Variants in RBFOX1 observed in about 807,000 individuals in gnomAD.
The protein encoded by RBFOX1 is RNA binding protein fox-1 homolog 1.
A neutral mutation model predicts 57.7 loss-of-function variants in RBFOX1; 8 were observed. The ratio of observed to expected loss-of-function variants is 0.14; its 90% CI spans 0.08 to 0.25. The LOEUF is 0.25. Ranked by LOEUF, RBFOX1 falls within the 10% of genes least tolerant of loss-of-function variation. RBFOX1 has a pLI of 1.00. For missense variants in RBFOX1, 611 were observed against 548.5 expected (o/e 1.11, Z -1.14); for synonymous variants, 326 against 222.4 (o/e 1.47, Z -4.15).
chr16:7,647,823 G>T (rs943760926), intron 11 of RBFOX1, among the ~76,000 whole-genome samples: 1 of 152,044 alleles, frequency 6.6e-6, no homozygotes, highest in Non-Finnish European at 1.5e-5. Flanking sequence ...AGGGTATTTG[G>T]CATGTCTGGA....
intron 1 of RBFOX1, among the ~76,000 whole-genome samples, chr16:6,271,680 A>G (rs1215170256): frequency 6.6e-6 from 1 of 152,144 alleles, no homozygotes; most frequent in African/African-American, 2.4e-5. Context: ...AACTCCACAA[A>G]CTTATCTTTG....
chr16:5,537,113 G>C (rs184432258), intron 2 of RBFOX1, among the ~76,000 whole-genome samples: 1 of 152,260 alleles, frequency 6.6e-6, no homozygotes, highest in African/African-American at 2.4e-5. Context: ...GTCTGTTCAT[G>C]TTGATTTAGG....
chr16:6,325,518 T>C (rs1405349778), intron 2 of RBFOX1, among the ~76,000 whole-genome samples: 1 of 152,216 alleles, frequency 6.6e-6, no homozygotes, highest in Non-Finnish European at 1.5e-5. Context: ...GCTGAATCCC[T>C]TCATTTAAAC....
At chr16:5,879,132 C>G (rs1177331574) in intron 4 of RBFOX1, among the ~76,000 whole-genome samples, 1 of 152,112 alleles carries the variant, frequency 6.6e-6, no homozygotes, top group Non-Finnish European at 1.5e-5. Context: ...CTGCTTGCAC[C>G]TTTGCAGAGA....
intron 3 of RBFOX1, among the ~76,000 whole-genome samples, chr16:6,749,576 G>C (rs1191029696): frequency 6.6e-6 from 1 of 152,160 alleles, no homozygotes; most frequent in African/African-American, 2.4e-5. Flanking sequence ...CGATTTCAAA[G>C]CTCCTTCTCT....
At chr16:5,354,408 C>G (rs906393910) in intron 1 of RBFOX1, among the ~76,000 whole-genome samples, 9 of 152,140 alleles carry the variant, frequency 5.9e-5, no homozygotes, top group African/African-American at 1.9e-4. Context: ...CACTTATGGG[C>G]CATGTGACCT....
chr16:7,538,872 C>A (rs182340694), intron 5 of RBFOX1, among the ~76,000 whole-genome samples: 1 of 149,612 alleles, frequency 6.7e-6, no homozygotes, highest in East Asian at 2.0e-4. Context: ...CCCCGCCACT[C>A]AATCTCTCCA....
At position 5,811,527 on chromosome 16, in the gene RBFOX1, C is replaced by G. The variant is rs561444168; in HGVS notation, c.319-55776C>G. Among the ~76,000 whole-genome samples, 162 of 151,452 alleles carry G rather than the reference C, an allele frequency of 1.1e-3. 2 individuals are homozygous for G. The Middle Eastern group carries it at 0.024, about 23-fold the overall frequency. ...GTGCAGTGGCACAATCTCAGCTCACCGCAACCTCTGCCTTCCAGGTTAAAG... is the reference window on the plus strand; with the variant it reads ...GTGCAGTGGCACAATCTCAGCTCACGGCAACCTCTGCCTTCCAGGTTAAAG... On this transcript the variant is annotated intron_variant, in intron 3 of 19. Coordinates refer to the RBFOX1 transcript ENST00000641259.
intron 3 of RBFOX1, among the ~76,000 whole-genome samples, chr16:6,854,394 G>A (rs1603632627): frequency 6.6e-6 from 1 of 151,930 alleles, no homozygotes. Context: ...CTTATCTAAG[G>A]AATATTTTAT....
chr16:5,754,170 G>A (rs2053314517), intron 3 of RBFOX1, among the ~76,000 whole-genome samples: 1 of 152,142 alleles, frequency 6.6e-6, no homozygotes, highest in South Asian at 2.1e-4. Context: ...TTAAAAGCCG[G>A]AATAGTTTTG....
chr16:7,564,747 C>T (rs2091281237), intron 5 of RBFOX1, among the ~76,000 whole-genome samples: 1 of 152,066 alleles, frequency 6.6e-6, no homozygotes, highest in African/African-American at 2.4e-5. Flanking sequence ...CTAGACAAGG[C>T]TGTCTCCTTT....
At chr16:5,382,062 G>C (rs1408829284) in intron 1 of RBFOX1, among the ~76,000 whole-genome samples, 1 of 152,210 alleles carries the variant, frequency 6.6e-6, no homozygotes, top group Non-Finnish European at 1.5e-5. Flanking sequence ...GCCCCTGGGA[G>C]AACAAAATCA....
At chr16:7,076,522 C>G (rs564511078) in intron 4 of RBFOX1, among the ~76,000 whole-genome samples, 38 of 152,068 alleles carry the variant, frequency 2.5e-4, no homozygotes, top group African/African-American at 8.7e-4. Flanking sequence ...AAAAATAATG[C>G]CATATCCCTT....
chr16:7,217,008 C>T (rs1478004902), intron 4 of RBFOX1, among the ~76,000 whole-genome samples: 1 of 55,774 alleles, frequency 1.8e-5, no homozygotes, highest in African/African-American at 9.2e-5. Flanking sequence ...CCCTCCCTCC[C>T]TTCCCTCCCT....
At chr16:5,324,927 G>C (rs1478375305) in intron 1 of RBFOX1, among the ~76,000 whole-genome samples, 2 of 152,142 alleles carry the variant, frequency 1.3e-5, no homozygotes, top group Non-Finnish European at 2.9e-5. Flanking sequence ...TTGTCACAGG[G>C]ACACTCAGCC....
chr16:6,149,707 A>C (rs566044362), intron 1 of RBFOX1, among the ~76,000 whole-genome samples: 2 of 152,290 alleles, frequency 1.3e-5, no homozygotes, highest in African/African-American at 4.8e-5. Flanking sequence ...AGCCACCCCC[A>C]TAAGAGATGC....
Position 6,080,179 on chromosome 16 carries a change from G to T in RBFOX1, c.-127+60187G>T, listed in dbSNP as rs1211072259. Among the ~76,000 whole-genome samples the T allele has an allele frequency of 4.6e-5, 7 of 152,162 alleles. No individual in the cohort carries two copies. The East Asian group carries it at 1.4e-3, about 29-fold the overall frequency. Reference sequence around the variant, plus strand: ...AAGGAGAGAGCGTGGCAGGTTCAGGGTTTGCCATCCCAATCTTCCCTTGGC... The same window carrying T: ...AAGGAGAGAGCGTGGCAGGTTCAGGTTTTGCCATCCCAATCTTCCCTTGGC... On this transcript the variant is annotated intron_variant, in intron 1 of 15. Transcript: ENST00000550418.
At chr16:6,114,088 T>C (rs2096473905) in intron 1 of RBFOX1, among the ~76,000 whole-genome samples, 1 of 152,206 alleles carries the variant, frequency 6.6e-6, no homozygotes, top group Non-Finnish European at 1.5e-5. Context: ...TATGTTCTCA[T>C]TATTTTTTTT....
At chr16:6,484,424 C>T (rs777507820) in intron 2 of RBFOX1, among the ~76,000 whole-genome samples, 7 of 149,842 alleles carry the variant, frequency 4.7e-5, no homozygotes, top group East Asian at 1.9e-4. Context: ...ATACTGAACA[C>T]GCTTCGACTT....
Sources: allele counts gnomAD v4.1 joint callset (sites outside exome capture counted in the v4.1 genomes callset), GRCh38; gene constraint gnomAD v4.1.1; transcripts MANE v1.5; gene names NCBI Gene and HGNC (gene_info 2026-07-23, HGNC 2026-07-21).